The following SUFU variants were observed in gnomAD, a reference collection of about 807,000 sequenced individuals.
SUFU encodes the protein suppressor of fused homolog.
In SUFU, 7 loss-of-function variants were observed where a neutral mutation model predicts 58.9. The observed-to-expected ratio is 0.12, with a 90% confidence interval of 0.07 to 0.22. SUFU has a LOEUF of 0.22. Ranked by LOEUF, SUFU falls within the 10% of genes least tolerant of loss-of-function variation. The probability of loss-of-function intolerance (pLI) is 1.00; values close to 1 mark genes in which losing one functional copy is unlikely to be tolerated. For missense variants in SUFU, 451 were observed against 641.3 expected, an observed-to-expected ratio of 0.70 and a Z score of 3.20; for synonymous variants, 232 against 254.8, an observed-to-expected ratio of 0.91 and a Z score of 0.85.
intron 3 of SUFU, among the ~76,000 whole-genome samples, chr10:102,554,246 T>G (rs2062950542): frequency 6.6e-6 from 1 of 151,878 alleles, no homozygotes; most frequent in South Asian, 2.1e-4. Flanking sequence ...CTACTAAACA[T>G]AGAAAATTTA....
chr10:102,545,484 T>C (rs1412576302), intron 2 of SUFU, among the ~76,000 whole-genome samples: 1 of 152,080 alleles, frequency 6.6e-6, no homozygotes, highest in East Asian at 1.9e-4. Flanking sequence ...TGCTGGATCA[T>C]ATGGTGACTC....
At chr10:102,523,692 C>T (rs959953329) in intron 2 of SUFU, among the ~76,000 whole-genome samples, 1 of 152,182 alleles carries the variant, frequency 6.6e-6, no homozygotes, top group African/African-American at 2.4e-5. Flanking sequence ...ATTCCTGTAA[C>T]CAGTGGTTTT....
rs1430158821 is a variant in SUFU at position 102,555,263 on chromosome 10, G to A, written c.454+5157G>A. 4.5e-4 allele frequency among the ~76,000 whole-genome samples: 26 copies of A among 57,188 alleles called. No homozygotes were observed. In the Admixed American group the frequency reaches 8.2e-3, roughly 18 times the overall value. The allele number at this position is 57,188 out of a possible 152,430, so 37.5% of individuals were successfully genotyped here. ...AGCCTGGGCGTCAGAGTGAGACTCC[G>A]TCTCACAAAAAAAAAAAAAAAAAAA... On this transcript the variant is annotated intron_variant, in intron 3 of 11. Transcript: ENST00000369902.
intron 3 of SUFU, among the ~76,000 whole-genome samples, chr10:102,574,913 C>T (rs554465397): frequency 2.6e-5 from 4 of 152,002 alleles, no homozygotes; most frequent in South Asian, 4.2e-4. Flanking sequence ...AAAATTAGCC[C>T]GGCATGGTGG....
chr10:102,592,378 G>A (rs2063412001), intron 3 of SUFU, among the ~76,000 whole-genome samples: 1 of 151,300 alleles, frequency 6.6e-6, no homozygotes, highest in African/African-American at 2.4e-5. Context: ...AAGTCTGACA[G>A]AACTGGCAAG....
chr10:102,588,190 A>C (rs1219189914), intron 3 of SUFU, among the ~76,000 whole-genome samples: 1 of 152,078 alleles, frequency 6.6e-6, no homozygotes, highest in African/African-American at 2.4e-5. Context: ...AGGTCAGGAG[A>C]TCGAGACCCT....
At chr10:102,514,130 T>C (rs577636430) in intron 2 of SUFU, among the ~76,000 whole-genome samples, 3 of 152,138 alleles carry the variant, frequency 2.0e-5, no homozygotes, top group African/African-American at 7.2e-5. Context: ...CAAGCAATCC[T>C]CCTGCCTTGG....
chr10:102,526,162 A>G (rs2062606172), intron 2 of SUFU, among the ~76,000 whole-genome samples: 1 of 152,110 alleles, frequency 6.6e-6, no homozygotes, highest in East Asian at 1.9e-4. Context: ...AGTAGGTCAA[A>G]ACTCCTGTGC....
Position 102,531,648 on chromosome 10 carries a change from G to A in SUFU, c.318-18322G>A, listed in dbSNP as rs183266510. Among the ~76,000 whole-genome samples, 6 of 8,936 alleles carry A rather than the reference G, an allele frequency of 6.7e-4. No individual in the cohort carries two copies. In the East Asian group the frequency reaches 0.015, roughly 23 times the overall value. 5.9% of individuals were successfully genotyped at this position (8,936 alleles called of 152,430 possible). A position where few individuals can be genotyped will look rare whatever the true frequency, so the allele number is the denominator to read the frequency against. On this transcript the variant is annotated intron_variant, in intron 2 of 11. Coordinates refer to ENST00000369902, the MANE Select transcript of SUFU (RefSeq NM_016169.4). The stretch of plus-strand genomic sequence containing the variant: ...AAGAAGTGATGAGAGCCCTCTCTTG[G>A]TCAGGGTCCCAAATAAGGGATTGGT...
At chr10:102,572,839 C>T (rs1029652731) in intron 3 of SUFU, 24 of 821,910 alleles carry the variant, frequency 2.9e-5, no homozygotes, top group South Asian at 6.6e-5. Context: ...CTCTCCATCA[C>T]GCTGAATCAG....
intron 5 of SUFU, 28 bp from the exon 6 acceptor site, chr10:102,593,965 C>T: frequency 6.2e-7 from 1 of 1,613,720 alleles, no homozygotes; most frequent in Non-Finnish European, 8.5e-7. Flanking sequence ...CCCTCAGTTA[C>T]CATTGTATCC....
intron 3 of SUFU, among the ~76,000 whole-genome samples, chr10:102,574,874 G>A (rs2063197790): frequency 6.6e-6 from 1 of 152,072 alleles, no homozygotes; most frequent in Non-Finnish European, 1.5e-5. Flanking sequence ...AGCCAATATG[G>A]TGAAACCCTG....
intron 10 of SUFU, among the ~76,000 whole-genome samples, chr10:102,623,540 G>A (rs538615172): frequency 6.6e-6 from 1 of 152,350 alleles, no homozygotes; most frequent in South Asian, 2.1e-4. Flanking sequence ...TCAGAAGACA[G>A]AGAAGTTATC....
chr10:102,595,686 C>G (rs7075807), intron 6 of SUFU, among the ~76,000 whole-genome samples: 151,158 of 152,230 alleles, frequency 0.99, 75,052 homozygotes, highest in East Asian at 1. Context: ...CCCACAGGAA[C>G]AAAGGACAGC....
At chr10:102,559,954 T>C (rs1233910133) in intron 3 of SUFU, among the ~76,000 whole-genome samples, 1 of 152,190 alleles carries the variant, frequency 6.6e-6, no homozygotes, top group Non-Finnish European at 1.5e-5. Flanking sequence ...CTCAGTTGGC[T>C]CGATTTGTGA....
At chr10:102,568,894 AAAAATATATATATATATATATATATACAC>A (rs2063124569) in intron 3 of SUFU, among the ~76,000 whole-genome samples, 1 of 24,580 alleles carries the variant, frequency 4.1e-5, no homozygotes, top group African/African-American at 2.2e-4. Flanking sequence ...AAAAAAAAAA[AAAAATATATATATATATATATATATACAC>A]ATATATATAT....
At chr10:102,541,143 C>T (rs1238762978) in intron 2 of SUFU, among the ~76,000 whole-genome samples, 1 of 152,032 alleles carries the variant, frequency 6.6e-6, no homozygotes, top group Non-Finnish European at 1.5e-5. Context: ...CATTTTCTCC[C>T]TCCTCATTGA....
intron 6 of SUFU, among the ~76,000 whole-genome samples, chr10:102,596,491 T>C (rs1027310699): frequency 6.6e-6 from 1 of 152,192 alleles, no homozygotes; most frequent in African/African-American, 2.4e-5. Flanking sequence ...TGTCTGCAGA[T>C]AGTCACTGCA....
At chr10:102,581,791 G>A (rs1035793766) in intron 3 of SUFU, among the ~76,000 whole-genome samples, 1 of 152,152 alleles carries the variant, frequency 6.6e-6, no homozygotes, top group Non-Finnish European at 1.5e-5. Context: ...GACCAGCTCC[G>A]GGTGTTCACA....
Sources: gnomAD v4.1 joint callset for allele counts (sites outside exome capture counted in the v4.1 genomes callset) on GRCh38, gnomAD v4.1.1 for gene constraint, MANE v1.5 for transcripts, NCBI Gene and HGNC (gene_info 2026-07-23, HGNC 2026-07-21) for gene names.